Variants in HELB observed in about 807,000 individuals in gnomAD.
The protein encoded by HELB is DNA 5'-3' helicase B.
HELB carries 96 observed loss-of-function variants against 101.7 expected under a neutral mutation model. The observed-to-expected ratio is 0.94, with a 90% CI of 0.80 to 1.12. The LOEUF (loss-of-function observed/expected upper bound fraction) is 1.12, where lower values mean the gene tolerates loss of function less well. Among genes scored for constraint, HELB ranks in the 50% most tolerant of loss-of-function variants. HELB has a pLI of 0.00. For missense variants in HELB, 1,210 were observed against 1,291.9 expected, an observed-to-expected ratio of 0.94 and a Z score of 0.97; for synonymous variants, 437 against 459.7, an observed-to-expected ratio of 0.95 and a Z score of 0.63.
chr12:66,335,770 C>G (rs939258692), intron 12 of HELB, among the ~76,000 whole-genome samples: 3 of 152,054 alleles, frequency 2.0e-5, no homozygotes, highest in Non-Finnish European at 2.9e-5. Context: ...GACAGAGGAC[C>G]CTTTTTCCAT....
chr12:66,331,187 G>C lies in HELB; in HGVS notation c.2704G>C (p.Gly902Arg). Residue 902 changes from glycine to arginine, a missense_variant, in exon 12 of 13, where the codon GGG (glycine) becomes CGG (arginine). By Grantham distance (125) the Gly-to-Arg change is moderately radical (BLOSUM62 -2). This residue lies in a region of HELB where 740 missense variants were observed against 728.8 expected (regional missense o/e 1.02). Coordinates refer to ENST00000247815, the MANE Select transcript of HELB (RefSeq NM_001370285.1). Reference protein sequence around the residue: ...SEEQTVVYVVGKAGRQHWQHV... With the variant: ...SEEQTVVYVVRKAGRQHWQHV... ...GGAGCAAACAGTTGTCTATGTGGTGGGGAAGGCGGGCCGCCAGCACTGGCA... is the reference window on the plus strand; with the variant it reads ...GGAGCAAACAGTTGTCTATGTGGTGCGGAAGGCGGGCCGCCAGCACTGGCA... 2 of 1,611,634 alleles carry C rather than the reference G, an allele frequency of 1.2e-6. No individual in the cohort carries two copies. The highest frequency in any genetic ancestry group is 1.7e-6 in the Non-Finnish European group (2 of 1,178,102).
chr12:66,329,643 T>C (rs921210239), intron 11 of HELB, among the ~76,000 whole-genome samples: 3 of 152,168 alleles, frequency 2.0e-5, no homozygotes, highest in African/African-American at 7.2e-5. Flanking sequence ...CTAATATGAT[T>C]GGGTTTGCAT....
At chr12:66,319,881 G>GT (rs756791780) in intron 7 of HELB, among the ~76,000 whole-genome samples, 1 of 149,604 alleles carries the variant, frequency 6.7e-6, no homozygotes, top group East Asian at 1.9e-4. Flanking sequence ...TGCTTTTTTG[G>GT]TTTTTTTTGT....
At chr12:66,321,793 G>A (rs71450853) in intron 7 of HELB, 155 bp from the exon 8 acceptor site, 8,647 of 525,682 alleles carry the variant, frequency 0.016, 115 homozygotes, top group Non-Finnish European at 0.025. Context: ...GGCTGATGTG[G>A]GGAATGAGGT....
At chr12:66,341,852 C>G (rs2053920568), downstream of HELB, 1 of 152,222 alleles carries the variant, frequency 6.6e-6, no homozygotes, top group Non-Finnish European at 1.5e-5. Flanking sequence ...GTGCTTGCTT[C>G]TCCTTTACCT....
intron 11 of HELB, 72 bp downstream of exon 11, chr12:66,325,198 A>G: frequency 9.0e-7 from 1 of 1,106,304 alleles, no homozygotes; most frequent in African/African-American, 1.6e-5. Context: ...GTTTTCGTAA[A>G]TTTTTGTTGC....
At chr12:66,306,762 G>A (rs2053481676) in intron 3 of HELB, among the ~76,000 whole-genome samples, 1 of 152,052 alleles carries the variant, frequency 6.6e-6, no homozygotes, top group Non-Finnish European at 1.5e-5. Context: ...AAAAAAAATT[G>A]ATGACATTCA....
At chr12:66,332,754 A>C (rs901224528) in intron 12 of HELB, among the ~76,000 whole-genome samples, 1 of 152,232 alleles carries the variant, frequency 6.6e-6, no homozygotes, top group Non-Finnish European at 1.5e-5. Flanking sequence ...TCAAGGCTTC[A>C]GGTGTCCGTT....
At chr12:66,327,955 G>T (rs2053761327) in intron 11 of HELB, among the ~76,000 whole-genome samples, 3 of 152,146 alleles carry the variant, frequency 2.0e-5, no homozygotes, top group Admixed American at 2.0e-4. Context: ...AGAAGGAAAA[G>T]AAGTTAGTCA....
At chr12:66,312,984 C>A (rs898798935) in intron 4 of HELB, among the ~76,000 whole-genome samples, 2 of 152,048 alleles carry the variant, frequency 1.3e-5, no homozygotes, top group African/African-American at 4.8e-5. Context: ...ATAGATGGAA[C>A]CTGTATTGAG....
intron 3 of HELB, among the ~76,000 whole-genome samples, chr12:66,306,951 T>A (rs1458039859): frequency 6.6e-6 from 1 of 152,192 alleles, no homozygotes; most frequent in Admixed American, 6.5e-5. Context: ...TCATTATTCA[T>A]GTGGTATATC....
In HELB at chr12:66,310,361, G is replaced by A. The variant is rs761117792; in HGVS notation, c.1433G>A (p.Gly478Glu). ...GTGACAGTCATAAGTGGGAAAGGTG[G>A]ATGTGGGAAGACCACAATCGTTAGC... Reference protein sequence around the residue: ...NPVTVISGKGGCGKTTIVSRL... With the variant: ...NPVTVISGKGECGKTTIVSRL... The change falls in exon 4 of 13, where the codon GGA becomes GAA. Residue 478 changes from glycine (G) to glutamate (E), a missense_variant. Coordinates refer to ENST00000247815, the MANE Select transcript of HELB (RefSeq NM_001370285.1). 4 of 1,614,082 alleles carry A rather than the reference G, an allele frequency of 2.5e-6. No homozygotes were observed. Among genetic ancestry groups the A allele is most frequent in the African/African-American group, 2.7e-5 (2 of 74,934 alleles).
chr12:66,332,707 G>A (rs1203125050), intron 12 of HELB, among the ~76,000 whole-genome samples: 1 of 152,160 alleles, frequency 6.6e-6, no homozygotes, highest in Non-Finnish European at 1.5e-5. Context: ...AGGTATGTAT[G>A]TATAGGAAAA....
At chr12:66,328,172 G>C (rs376583813) in intron 11 of HELB, among the ~76,000 whole-genome samples, 14 of 152,238 alleles carry the variant, frequency 9.2e-5, no homozygotes, top group African/African-American at 3.4e-4. Context: ...GCATTTGAAG[G>C]CCTGCACTAT....
At chr12:66,303,070 AC>A (rs1361974278) in intron 1 of HELB, among the ~76,000 whole-genome samples, 1 of 141,156 alleles carries the variant, frequency 7.1e-6, no homozygotes, top group Non-Finnish European at 1.5e-5. Context: ...GTGGAAGGGG[AC>A]CCGAGCGGGT....
intron 3 of HELB, among the ~76,000 whole-genome samples, chr12:66,306,981 A>G (rs970990058): frequency 6.6e-6 from 1 of 152,088 alleles, no homozygotes; most frequent in African/African-American, 2.4e-5. Context: ...TTTGATTTTT[A>G]TTTTGTACAC....
chr12:66,314,933 A>C (rs1202698992), intron 5 of HELB, among the ~76,000 whole-genome samples: 1 of 150,882 alleles, frequency 6.6e-6, no homozygotes, highest in Non-Finnish European at 1.5e-5. Flanking sequence ...AGATTCTTCC[A>C]CTTTCAGTAA....
chr12:66,315,353 A>G lies in HELB; in HGVS notation c.1970A>G (p.Glu657Gly). The G allele has an allele frequency of 6.2e-7, 1 of 1,602,988 alleles. No individual in the cohort carries two copies. The part of the protein sequence containing the change: ...AIELKTNHRA[E>G]SQLIVDNATR... ...GAGCTAAAGACAAACCATAGAGCAG[A>G]ATCTCAGCTCATTGTGGACAATGCT... The change falls in exon 6 of 13, where the codon GAA (glutamate) becomes GGA (glycine). Residue 657 changes from glutamate to glycine, a missense_variant. By Grantham distance (98) the Glu-to-Gly change is moderately conservative. This residue lies in a region of HELB where 740 missense variants were observed against 728.8 expected (regional missense o/e 1.02). Coordinates refer to ENST00000247815, the MANE Select transcript of HELB (RefSeq NM_001370285.1).
At chr12:66,335,366 A>T (rs1336826931) in intron 12 of HELB, among the ~76,000 whole-genome samples, 1 of 152,172 alleles carries the variant, frequency 6.6e-6, no homozygotes, top group East Asian at 1.9e-4. Context: ...GATCTGGCAG[A>T]GGAGGAGGAA....
Sources: gnomAD v4.1 joint callset for allele counts (sites outside exome capture counted in the v4.1 genomes callset) on GRCh38, gnomAD v4.1.1 for gene constraint, gnomAD v4.1.1 regional missense constraint, MANE v1.5 for transcripts, NCBI Gene and HGNC (gene_info 2026-07-23, HGNC 2026-07-21) for gene names.